The following CHD5 variants were observed in gnomAD, a reference collection of about 807,000 sequenced individuals.
The protein encoded by CHD5 is ATP-dependent chromatin remodeler CHD5.
Under a neutral mutation model 230.3 loss-of-function variants are expected in CHD5, and 69 were observed. The ratio of observed to expected loss-of-function variants is 0.30; its 90% CI spans 0.25 to 0.37. The LOEUF (loss-of-function observed/expected upper bound fraction) is 0.37. Among genes scored for constraint, CHD5 ranks in the 10% least tolerant of loss-of-function variants. The pLI is 1.00. For missense variants in CHD5, 1,827 were observed against 2,622.8 expected (o/e 0.70, Z 6.63); for synonymous variants, 1,064 against 1,065.9 (o/e 1.00, Z 0.03).
intron 1 of CHD5, among the ~76,000 whole-genome samples, chr1:6,175,812 T>C (rs747350733): frequency 7.0e-6 from 1 of 142,154 alleles, no homozygotes; most frequent in Non-Finnish European, 1.5e-5. Context: ...AGCAGGTAGA[T>C]ACATGGATAC....
At chr1:6,116,657 A>T (rs1381914363) in intron 33 of CHD5, among the ~76,000 whole-genome samples, 1 of 152,262 alleles carries the variant, frequency 6.6e-6, no homozygotes, top group Admixed American at 6.5e-5. Flanking sequence ...GCCAAATAAA[A>T]AAAGGAAGAA....
chr1:6,131,811 G>A lies in CHD5; in HGVS notation c.3145-63C>T, dbSNP rs537775309. 1.8e-5 allele frequency: 18 copies of A among 1,022,048 alleles called. No individual in the cohort carries two copies. Among genetic ancestry groups the A allele is most frequent in the South Asian group, 6.8e-5 (5 of 73,364 alleles). The allele number at this position is 1,022,048 out of a possible 1,614,324, so 63.3% of individuals were successfully genotyped here. On this transcript the variant is annotated intron_variant, in intron 20 of 41. Coordinates refer to ENST00000262450, the MANE Select transcript of CHD5 (RefSeq NM_015557.3). The surrounding 1 kb of genome is among the most constrained non-coding windows in gnomAD (Gnocchi z 5.0). ...GCAAGGGGCCCCATGGGCCATGGGC[G>A]GGGACCCCGCCACAGGCAGGGGAGG... is the stretch of plus-strand genomic sequence containing the variant.
Position 6,157,047 on chromosome 1 carries a change from G to T in CHD5, c.388-1330C>A, listed in dbSNP as rs372158018. Among the ~76,000 whole-genome samples, 17 of 152,350 alleles carry T rather than the reference G, an allele frequency of 1.1e-4. No homozygotes were observed. In the East Asian group the frequency reaches 2.7e-3, roughly 24 times the overall value. On this transcript the variant is annotated intron_variant, in intron 3 of 41. Coordinates refer to ENST00000262450, the MANE Select transcript of CHD5 (RefSeq NM_015557.3). The stretch of plus-strand genomic sequence containing the variant: ...CAGAACAGAATGACTTAGTGCAGGT[G>T]CTTGGAACAGGGTGTGTCAAAATGC...
chr1:6,169,396 G>C (rs561994162), intron 1 of CHD5, among the ~76,000 whole-genome samples: 1 of 152,236 alleles, frequency 6.6e-6, no homozygotes, highest in Admixed American at 6.5e-5. Flanking sequence ...GGCCCTGGCC[G>C]GGCAGGCTCG....
intron 38 of CHD5, among the ~76,000 whole-genome samples, chr1:6,107,274 G>A (rs576293102): frequency 1.4e-5 from 2 of 146,566 alleles, no homozygotes; most frequent in African/African-American, 2.5e-5. Flanking sequence ...AGAGATGGAG[G>A]GATGATGGTG....
intron 2 of CHD5, among the ~76,000 whole-genome samples, chr1:6,163,308 G>A (rs553404421): frequency 6.6e-6 from 1 of 152,186 alleles, no homozygotes; most frequent in South Asian, 2.1e-4. Flanking sequence ...AAGCCCAGTC[G>A]ATGAGAAGGG....
In CHD5 at chr1:6,102,769, G is replaced by A. The variant is rs1033925329; in HGVS notation, c.*2705C>T. ...AAAGTCCAGCCTGCCCCTGGGGGAA[G>A]CCAAGTTTGCAAAAAACGCAGGAGC... On this transcript the variant is annotated 3_prime_UTR_variant, in exon 42 of 42. Transcript: ENST00000262450. The A allele has an allele frequency of 4.6e-5, 7 of 152,236 alleles. No homozygotes were observed. Among genetic ancestry groups the A allele is most frequent in the Non-Finnish European group, 8.8e-5 (6 of 68,046 alleles). 9.4% of individuals were successfully genotyped at this position (152,236 alleles called of 1,614,324 possible). A position where few individuals can be genotyped will look rare whatever the true frequency, so the allele number is the denominator to read the frequency against.
intron 11 of CHD5, among the ~76,000 whole-genome samples, chr1:6,144,505 A>G (rs1666880357): frequency 6.6e-6 from 1 of 152,232 alleles, no homozygotes; most frequent in Non-Finnish European, 1.5e-5. Flanking sequence ...TCTAAGTTGG[A>G]AAGTTCTCCT....
chr1:6,122,232 C>A (rs891834310), intron 31 of CHD5, among the ~76,000 whole-genome samples: 2 of 152,152 alleles, frequency 1.3e-5, no homozygotes, highest in Non-Finnish European at 2.9e-5. Flanking sequence ...CCTGTGAGGC[C>A]CAACCGACGG....
chr1:6,169,406 G>A (rs898016129), intron 1 of CHD5, among the ~76,000 whole-genome samples: 12 of 152,192 alleles, frequency 7.9e-5, no homozygotes, highest in African/African-American at 2.2e-4. Flanking sequence ...GGGCAGGCTC[G>A]GGAAGGGAGT....
At chr1:6,107,510 G>T (rs1325038025) in intron 38 of CHD5, among the ~76,000 whole-genome samples, 1 of 92,872 alleles carries the variant, frequency 1.1e-5, no homozygotes, top group Non-Finnish European at 2.1e-5. Flanking sequence ...AGGGACGATG[G>T]AGGGATGGAG....
In CHD5 at chr1:6,128,635, G is replaced by A. The variant is rs1338533294; in HGVS notation, c.3620-26C>T. 2.5e-6 allele frequency: 4 copies of A among 1,575,884 alleles called. No homozygotes were observed. The highest frequency in any genetic ancestry group is 3.5e-6 in the Non-Finnish European group (4 of 1,146,490). On this transcript the variant is annotated intron_variant, in intron 23 of 41. Transcript: ENST00000262450. This position sits in a 1 kb window ranked among gnomAD's most constrained non-coding sequence, Gnocchi z 7.8. Reference sequence around the variant, plus strand: ...CTGTCAGACAGAGAAGGAAAGCACTGGTGCAGGACCACAGAGGGCTGCAGG... The same window carrying A: ...CTGTCAGACAGAGAAGGAAAGCACTAGTGCAGGACCACAGAGGGCTGCAGG...
rs569187213 is a variant in CHD5 at position 6,115,342 on chromosome 1, G to A, written c.4913-2344C>T. On this transcript the variant is annotated intron_variant, in intron 33 of 41. Coordinates refer to ENST00000262450, the MANE Select transcript of CHD5 (RefSeq NM_015557.3). ...TTCCAACATGGGCTCCAAGACTTCC[G>A]GCCCTTGGTGTCCACGCCCTGCAAG... Among the ~76,000 whole-genome samples, 7 of 152,034 alleles carry A rather than the reference G, an allele frequency of 4.6e-5. No individual in the cohort carries two copies. The South Asian group carries it at 8.3e-4, about 18-fold the overall frequency.
chr1:6,104,985 G>A lies in CHD5; in HGVS notation c.*489C>T, dbSNP rs373522185. The A allele has an allele frequency of 3.5e-5, 7 of 202,200 alleles. No individual in the cohort carries two copies. The East Asian group carries it at 6.2e-4, about 18-fold the overall frequency. 12.5% of individuals were successfully genotyped at this position (202,200 alleles called of 1,614,324 possible). On this transcript the variant is annotated 3_prime_UTR_variant, in exon 42 of 42. Transcript: ENST00000262450. ...ACACTGAGGGCTCCTAGGGCACCGG[G>A]CGCCATGTCCTCCCCAGCTGGGCTG...
rs553365144 is a variant in CHD5, at chr1:6,149,201, C to T, written c.1161+45G>A. On this transcript the variant is annotated intron_variant, in intron 8 of 41. Transcript: ENST00000262450. ...AAATGAGGGCACAGGGGTGGGGGAG[C>T]CAGGCGTGGCCCCGCCCCCAGCCCG... 2.0e-6 allele frequency: 3 copies of T among 1,517,080 alleles called. No homozygotes were observed. The African/African-American group carries it at 4.2e-5, about 21-fold the overall frequency. The allele number at this position is 1,517,080 out of a possible 1,614,324, so 94.0% of individuals were successfully genotyped here.
intron 37 of CHD5, 104 bp from the exon 38 acceptor site, chr1:6,110,094 G>A (rs1303635380): frequency 1.8e-6 from 2 of 1,132,060 alleles, no homozygotes; most frequent in South Asian, 1.6e-5. Flanking sequence ...AGAAAGGAGG[G>A]AAAGAGGACG....
rs1323487449 is a variant in CHD5, at chr1:6,144,110, G to T, written c.1848C>A (p.Asp616Glu). The change falls in exon 12 of 42, where the codon GAC (aspartate) becomes GAA (glutamate). Residue 616 changes from aspartate (D) to glutamate (E), a missense_variant. Around this residue, in one of 14 missense-constraint regions of CHD5, gnomAD observed 657 missense variants for 816.4 expected, o/e 0.80. Coordinates refer to ENST00000262450, the MANE Select transcript of CHD5 (RefSeq NM_015557.3). ...GDVHYLIKWKDLPYDQCTWEI... is the reference protein window; with the variant it reads ...GDVHYLIKWKELPYDQCTWEI... ...CCCAGGTGCACTGGTCGTAGGGCAG[G>T]TCTTTCCACTTGATCAGGTAGTGCA... The T allele has an allele frequency of 1.9e-6, 3 of 1,614,114 alleles. No homozygotes were observed. Among genetic ancestry groups the T allele is most frequent in the African/African-American group, 1.3e-5 (1 of 74,936 alleles).
Position 6,174,070 on chromosome 1 carries a change from G to T in CHD5, c.80-5793C>A, listed in dbSNP as rs544590511. 4.6e-5 allele frequency among the ~76,000 whole-genome samples: 7 copies of T among 151,948 alleles called. No individual in the cohort carries two copies. In the East Asian group the frequency reaches 1.4e-3, roughly 29 times the overall value. The stretch of plus-strand genomic sequence containing the variant: ...ACCCTGGGGGTGCAGGGAAAGCAGG[G>T]AGAGGCCCAGGGCATGGGTGGGGAG... On this transcript the variant is annotated intron_variant, in intron 1 of 41. Transcript: ENST00000262450.
chr1:6,127,966 T>A, intron 25 of CHD5, 80 bp downstream of exon 25: 3 of 1,125,130 alleles, frequency 2.7e-6, no homozygotes, highest in African/African-American at 3.0e-5. Context: ...GGGGTCACAG[T>A]GGAAGGCGTG....
Sources: allele counts gnomAD v4.1 joint callset (sites outside exome capture counted in the v4.1 genomes callset), GRCh38; gene constraint gnomAD v4.1.1; regional missense constraint gnomAD v4.1.1; non-coding constraint Gnocchi (gnomAD v3.1); transcripts MANE v1.5; gene names NCBI Gene and HGNC (gene_info 2026-07-23, HGNC 2026-07-21).